The following PCDHA13 variants were observed in gnomAD, a reference collection of about 807,000 sequenced individuals.
PCDHA13 encodes protocadherin alpha 13.
Under a neutral mutation model 64.8 loss-of-function variants are expected in PCDHA13, and 54 were observed. That is an observed-to-expected ratio of 0.83 (90% confidence interval 0.67 to 1.04). The LOEUF is 1.04. Ranked by LOEUF, PCDHA13 falls within the 50% of genes least tolerant of loss-of-function variation. The probability of loss-of-function intolerance (pLI) is 0.00; values close to 1 mark genes in which losing one functional copy is unlikely to be tolerated. For synonymous variants in PCDHA13, 587 were observed against 564.4 expected (o/e 1.04, Z -0.57); for missense variants, 1,248 against 1,254.3 (o/e 0.99, Z 0.08).
chr5:140,960,395 AG>A (rs562972971), intron 1 of PCDHA13, among the ~76,000 whole-genome samples: 1 of 152,150 alleles, frequency 6.6e-6, no homozygotes, highest in African/African-American at 2.4e-5. Context: ...TTAGGATGCA[AG>A]GGGGGGTGCC....
Position 140,884,265 on chromosome 5 carries a change from T to A in PCDHA13, c.1997T>A (p.Leu666Gln). 6.2e-7 allele frequency: 1 copy of A among 1,613,432 alleles called. No homozygotes were observed. The highest frequency in any genetic ancestry group is 1.6e-4 in the Middle Eastern group (1 of 6,062). The change falls in exon 1 of 4, where the codon CTG (leucine) becomes CAG (glutamine). Residue 666 changes from leucine (L) to glutamine (Q), a missense_variant. Transcript: ENST00000289272. ...GCGCTGACGGCCACGGCAACGGTGCTGTTGTCGCTGGTGGAGAGCGGCCAA... is the reference window on the plus strand; with the variant it reads ...GCGCTGACGGCCACGGCAACGGTGCAGTTGTCGCTGGTGGAGAGCGGCCAA... Reference protein sequence around the residue: ...EPALTATATVLLSLVESGQAP... With the variant: ...EPALTATATVQLSLVESGQAP...
intron 1 of PCDHA13, among the ~76,000 whole-genome samples, chr5:140,908,279 G>T (rs2073895272): frequency 6.6e-6 from 1 of 151,782 alleles, no homozygotes; most frequent in South Asian, 2.1e-4. Flanking sequence ...TGAGGCCATT[G>T]TTGCAAGCTG....
rs1236174883 is a variant in PCDHA13 at position 140,948,633 on chromosome 5, C to T, written c.2395-30316C>T. Among the ~76,000 whole-genome samples the T allele has an allele frequency of 2.6e-5, 4 of 151,768 alleles. No individual in the cohort carries two copies. The East Asian group carries it at 7.7e-4, about 29-fold the overall frequency. ...GGCACAAAGTTGTTAATAATATTCTCTCATCTTTTAACGTCTGTATAATCT... is the reference window on the plus strand; with the variant it reads ...GGCACAAAGTTGTTAATAATATTCTTTCATCTTTTAACGTCTGTATAATCT... On this transcript the variant is annotated intron_variant, in intron 1 of 3. Transcript: ENST00000289272.
intron 3 of PCDHA13, among the ~76,000 whole-genome samples, chr5:140,995,853 A>G (rs934469128): frequency 4.6e-5 from 7 of 152,220 alleles, no homozygotes. Context: ...TTTCTATCGT[A>G]TCACTTAATA....
chr5:140,951,966 C>G (rs1554220177), intron 1 of PCDHA13, among the ~76,000 whole-genome samples: 1 of 152,128 alleles, frequency 6.6e-6, no homozygotes, highest in African/African-American at 2.4e-5. Flanking sequence ...GGTAAATACT[C>G]CTGTTCCAAA....
chr5:140,927,862 G>T, intron 1 of PCDHA13: 1 of 1,614,200 alleles, frequency 6.2e-7, no homozygotes. Context: ...AGCTAGCACC[G>T]CTAAACTGCT....
At chr5:140,958,078 G>A (rs1447110228) in intron 1 of PCDHA13, among the ~76,000 whole-genome samples, 1 of 152,064 alleles carries the variant, frequency 6.6e-6, no homozygotes, top group Admixed American at 6.6e-5. Flanking sequence ...GAAGCAAAAA[G>A]TAAAGTTGTA....
At chr5:140,956,020 T>C (rs2095249402) in intron 1 of PCDHA13, among the ~76,000 whole-genome samples, 1 of 152,240 alleles carries the variant, frequency 6.6e-6, no homozygotes, top group Non-Finnish European at 1.5e-5. Context: ...TTTGCTGAAG[T>C]TGCTTATCAG....
intron 1 of PCDHA13, among the ~76,000 whole-genome samples, chr5:140,957,038 C>A (rs534661886): frequency 2.0e-5 from 3 of 151,928 alleles, no homozygotes; most frequent in African/African-American, 7.3e-5. Context: ...TTATGGGAGT[C>A]ATATAAAATA....
At chr5:140,982,348 T>A (rs1253085859) in intron 2 of PCDHA13, 127 bp from the exon 3 acceptor site, 1 of 1,496,080 alleles carries the variant, frequency 6.7e-7, no homozygotes, top group East Asian at 2.4e-5. Flanking sequence ...TTGCTTCAGT[T>A]CAAGCATGAG....
At chr5:140,893,634 T>C (rs2064095604) in intron 1 of PCDHA13, among the ~76,000 whole-genome samples, 1 of 152,236 alleles carries the variant, frequency 6.6e-6, no homozygotes, top group Admixed American at 6.5e-5. Flanking sequence ...CTGCTTGGTA[T>C]AGTATTTTTG....
intron 1 of PCDHA13, among the ~76,000 whole-genome samples, chr5:140,893,358 C>A (rs1385049897): frequency 2.0e-5 from 3 of 152,134 alleles, no homozygotes; most frequent in Admixed American, 6.5e-5. Context: ...AATTTACATG[C>A]CCACCAACAG....
chr5:140,903,753 A>T (rs1554191101), intron 1 of PCDHA13, among the ~76,000 whole-genome samples: 2 of 152,186 alleles, frequency 1.3e-5, no homozygotes, highest in African/African-American at 4.8e-5. Context: ...GTTTCCCTTG[A>T]TTTTTGCTGA....
At chr5:140,886,921 C>T (rs778306326) in intron 1 of PCDHA13, among the ~76,000 whole-genome samples, 2 of 151,406 alleles carry the variant, frequency 1.3e-5, no homozygotes, top group African/African-American at 4.9e-5. Context: ...TGAGTGTTCT[C>T]TATGTGCCAG....
chr5:140,953,410 G>A (rs1328809858), intron 1 of PCDHA13, among the ~76,000 whole-genome samples: 5 of 152,042 alleles, frequency 3.3e-5, no homozygotes, highest in Non-Finnish European at 5.9e-5. Flanking sequence ...GTTGCTCCTG[G>A]CTCCTCCCCT....
chr5:140,933,413 T>A (rs2089136962), intron 1 of PCDHA13, among the ~76,000 whole-genome samples: 3 of 152,056 alleles, frequency 2.0e-5, no homozygotes, highest in Non-Finnish European at 4.4e-5. Flanking sequence ...TCTACAGATA[T>A]TCTGTGTTCA....
intron 1 of PCDHA13, among the ~76,000 whole-genome samples, chr5:140,937,175 C>A: frequency 6.6e-6 from 1 of 151,650 alleles, no homozygotes; most frequent in Non-Finnish European, 1.5e-5. Context: ...GTAGCTGGGA[C>A]TACAGGCGCC....
chr5:140,973,782 C>T lies in PCDHA13; in HGVS notation c.2395-5167C>T, dbSNP rs533593200. ...CACAGCCTGGCATATTATAGGTTGCCTATTGGCATGCTGTCTACTTGACAG... is the reference window on the plus strand; with the variant it reads ...CACAGCCTGGCATATTATAGGTTGCTTATTGGCATGCTGTCTACTTGACAG... On this transcript the variant is annotated intron_variant, in intron 1 of 3. Transcript: ENST00000289272. 1.5e-3 allele frequency among the ~76,000 whole-genome samples: 225 copies of T among 152,326 alleles called. 1 individual carries two copies. Among genetic ancestry groups the T allele is most frequent in the African/African-American group, 5.2e-3 (216 of 41,582 alleles).
At chr5:140,936,124 C>T (rs2090779585) in intron 1 of PCDHA13, among the ~76,000 whole-genome samples, 1 of 152,130 alleles carries the variant, frequency 6.6e-6, no homozygotes, top group African/African-American at 2.4e-5. Context: ...AACTCCTGAC[C>T]TTAAGTGATC....
Sources: gnomAD v4.1 joint callset for allele counts (sites outside exome capture counted in the v4.1 genomes callset) on GRCh38, gnomAD v4.1.1 for gene constraint, MANE v1.5 for transcripts, NCBI Gene and HGNC (gene_info 2026-07-23, HGNC 2026-07-21) for gene names.